The following WWOX variants were observed in gnomAD, a reference collection of about 807,000 sequenced individuals.
WWOX encodes the protein WW domain-containing oxidoreductase.
WWOX carries 69 observed loss-of-function variants against 46.2 expected under a neutral mutation model. That is an observed-to-expected ratio of 1.49 (90% CI 1.23 to 1.82). The LOEUF (loss-of-function observed/expected upper bound fraction) is 1.82, where lower values mean the gene tolerates loss of function less well. Ranked by LOEUF, WWOX falls within the 40% of genes most tolerant of loss-of-function variation. The pLI is 0.00. For missense variants in WWOX, 919 were observed against 542.6 expected, an observed-to-expected ratio of 1.69 and a Z score of -6.89; for synonymous variants, 359 against 202.6, an observed-to-expected ratio of 1.77 and a Z score of -6.56.
intron 8 of WWOX, among the ~76,000 whole-genome samples, chr16:78,731,299 A>G (rs62036140): frequency 1.4e-4 from 21 of 152,138 alleles, no homozygotes; most frequent in African/African-American, 4.8e-4. Flanking sequence ...AGGCACGCTC[A>G]CATGAAGCTG....
Position 78,115,096 on chromosome 16 carries a change from C to T in WWOX, c.351C>T (p.Leu117=), listed in dbSNP as rs34944716. 5.0e-6 allele frequency: 8 copies of T among 1,614,146 alleles called. No individual in the cohort carries two copies. In the South Asian group the frequency reaches 6.6e-5, roughly 13 times the overall value. Residue 117 remains leucine (L), a synonymous_variant, in exon 4 of 9, where the codon CTC becomes CTT. Coordinates refer to ENST00000566780, the MANE Select transcript of WWOX (RefSeq NM_016373.4). ...YDGSTTAMEI[L]QGRDFTGKVV... is the part of the protein sequence containing the mutation. ...GCAGCACCACTGCCATGGAAATTCT[C>T]CAGGGCCGGGATTTCACTGGCAAAG...
intron 8 of WWOX, among the ~76,000 whole-genome samples, chr16:78,648,514 C>T (rs1057204750): frequency 6.6e-6 from 1 of 152,156 alleles, no homozygotes; most frequent in African/African-American, 2.4e-5. Context: ...CACAGAATGC[C>T]GACCCACAAG....
chr16:79,074,597 C>T (rs1182890114), intron 8 of WWOX, among the ~76,000 whole-genome samples: 1 of 151,498 alleles, frequency 6.6e-6, no homozygotes, highest in East Asian at 1.9e-4. Flanking sequence ...TAAGTATCTC[C>T]CTTTATAAGC....
chr16:78,924,648 C>A (rs142467964), intron 8 of WWOX, among the ~76,000 whole-genome samples: 87 of 152,302 alleles, frequency 5.7e-4, no homozygotes, highest in African/African-American at 2.0e-3. Flanking sequence ...TAATTTACTC[C>A]ACGATTATCC....
intron 8 of WWOX, among the ~76,000 whole-genome samples, chr16:78,765,909 A>G (rs1423791941): frequency 2.0e-5 from 3 of 152,208 alleles, no homozygotes; most frequent in Non-Finnish European, 4.4e-5. Flanking sequence ...CGTGGCTTCC[A>G]TGCCCATTGG....
At chr16:79,143,111 AG>A (rs1391722470) in intron 8 of WWOX, among the ~76,000 whole-genome samples, 7 of 152,148 alleles carry the variant, frequency 4.6e-5, no homozygotes, top group African/African-American at 7.2e-5. Context: ...TTGAAAAAAA[AG>A]TTTAAGGGAC....
intron 5 of WWOX, among the ~76,000 whole-genome samples, chr16:78,353,694 G>T (rs148235237): frequency 6.6e-6 from 1 of 152,366 alleles, no homozygotes; most frequent in Non-Finnish European, 1.5e-5. Flanking sequence ...AAGAACTGCA[G>T]TCTGTGGCTC....
intron 8 of WWOX, among the ~76,000 whole-genome samples, chr16:79,209,321 A>G (rs2051632958): frequency 6.6e-6 from 1 of 152,232 alleles, no homozygotes. Context: ...ATACCATTCC[A>G]GTAATGCAAG....
At chr16:78,214,300 C>T (rs958411200) in intron 5 of WWOX, among the ~76,000 whole-genome samples, 1 of 151,068 alleles carries the variant, frequency 6.6e-6, no homozygotes, top group African/African-American at 2.4e-5. Context: ...TAGCCAAGTA[C>T]TGAACCTCTC....
At chr16:78,586,882 T>C (rs1284820066) in intron 8 of WWOX, among the ~76,000 whole-genome samples, 1 of 152,194 alleles carries the variant, frequency 6.6e-6, no homozygotes, top group East Asian at 1.9e-4. Flanking sequence ...CTGTGTACCA[T>C]GTTGCATGCC....
intron 8 of WWOX, among the ~76,000 whole-genome samples, chr16:79,132,616 A>T (rs1329895270): frequency 6.6e-6 from 1 of 151,844 alleles, no homozygotes; most frequent in African/African-American, 2.4e-5. Flanking sequence ...TTTCCCTCAA[A>T]CATCGCTTTT....
chr16:78,551,390 C>T (rs1167413523), intron 8 of WWOX: 1 of 152,068 alleles, frequency 6.6e-6, no homozygotes, highest in African/African-American at 2.4e-5. Context: ...AAATTTTTAA[C>T]CTTTACATTG....
chr16:78,741,846 C>T (rs554505318), intron 8 of WWOX, among the ~76,000 whole-genome samples: 6 of 152,296 alleles, frequency 3.9e-5, no homozygotes, highest in East Asian at 1.9e-4. Flanking sequence ...CAGAGTGAGA[C>T]GCTGTCTCAA....
intron 8 of WWOX, among the ~76,000 whole-genome samples, chr16:78,577,274 C>T (rs2044907890): frequency 3.9e-5 from 6 of 152,212 alleles, no homozygotes; most frequent in Non-Finnish European, 7.3e-5. Context: ...GCTGAACAGA[C>T]TTTCTGTCCA....
At chr16:78,442,599 C>G (rs9935773) in intron 8 of WWOX, among the ~76,000 whole-genome samples, 1 of 152,094 alleles carries the variant, frequency 6.6e-6, no homozygotes, top group Non-Finnish European at 1.5e-5. Flanking sequence ...TGCTTCTCTT[C>G]CCATTGTTTA....
chr16:78,804,404 C>T (rs967700543), intron 8 of WWOX, among the ~76,000 whole-genome samples: 2 of 149,934 alleles, frequency 1.3e-5, no homozygotes, highest in South Asian at 2.1e-4. Context: ...GGAAAAAAGG[C>T]GCTCAGCCAA....
At chr16:78,573,544 C>T (rs553005459) in intron 8 of WWOX, among the ~76,000 whole-genome samples, 1 of 152,212 alleles carries the variant, frequency 6.6e-6, no homozygotes, top group South Asian at 2.1e-4. Flanking sequence ...CAAAAACATT[C>T]AGTGGCTCCC....
rs536135798 is a variant in WWOX, at chr16:78,183,969, A to G, written c.516+19680A>G. Among the ~76,000 whole-genome samples the G allele has an allele frequency of 1.6e-4, 25 of 152,296 alleles. No homozygotes were observed. The South Asian group carries it at 5.2e-3, about 32-fold the overall frequency. On this transcript the variant is annotated intron_variant, in intron 5 of 8. Coordinates refer to ENST00000566780, the MANE Select transcript of WWOX (RefSeq NM_016373.4). ...TTCGGCTTGCATCCTAAAAGCCTGC[A>G]CAAACACTTTGGGCAGGCTTCAGCA...
intron 8 of WWOX, among the ~76,000 whole-genome samples, chr16:78,575,224 C>T (rs1228962759): frequency 6.8e-6 from 1 of 146,898 alleles, no homozygotes. Context: ...TTAGTTCTGT[C>T]CCTGGAGGTG....
Sources: allele counts gnomAD v4.1 joint callset (sites outside exome capture counted in the v4.1 genomes callset), GRCh38; gene constraint gnomAD v4.1.1; transcripts MANE v1.5; gene names NCBI Gene and HGNC (gene_info 2026-07-23, HGNC 2026-07-21).